Variants in TSPAN18 observed in about 807,000 individuals in gnomAD.
TSPAN18 encodes tetraspanin 18, also known as tetraspanin-18.
A neutral mutation model predicts 27.3 loss-of-function variants in TSPAN18; 14 were observed. The ratio of observed to expected loss-of-function variants is 0.51; its 90% CI spans 0.34 to 0.80. TSPAN18 has a LOEUF of 0.80. Among genes scored for constraint, TSPAN18 ranks in the 30% least tolerant of loss-of-function variants. The pLI is 0.01. For synonymous variants in TSPAN18, 143 were observed against 136.5 expected, an observed-to-expected ratio of 1.05 and a Z score of -0.33; for missense variants, 268 against 323.9, an observed-to-expected ratio of 0.83 and a Z score of 1.32.
chr11:44,908,786 A>AGAAAGAAGGAAGGAAGGAAGGAAG (rs1859576572), intron 4 of TSPAN18, among the ~76,000 whole-genome samples: 1 of 91,620 alleles, frequency 1.1e-5, no homozygotes, highest in African/African-American at 4.5e-5. Flanking sequence ...AAAGAAAGAA[A>AGAAAGAAGGAAGGAAGGAAGGAAG]GAAAGAAAGA....
intron 3 of TSPAN18, chr11:44,903,938 G>A (rs1420020052): frequency 4.4e-6 from 2 of 451,816 alleles, no homozygotes; most frequent in African/African-American, 2.0e-5. Flanking sequence ...GTTGTTATGA[G>A]TTAGTAAATG....
At chr11:44,862,106 C>G (rs575082670) in intron 3 of TSPAN18, among the ~76,000 whole-genome samples, 1 of 152,060 alleles carries the variant, frequency 6.6e-6, no homozygotes, top group Non-Finnish European at 1.5e-5. Context: ...GAAGACCAAC[C>G]GCAGCCTTGC....
At chr11:44,827,030 C>G (rs1456642259) in intron 2 of TSPAN18, among the ~76,000 whole-genome samples, 2 of 152,170 alleles carry the variant, frequency 1.3e-5, no homozygotes, top group African/African-American at 2.4e-5. Flanking sequence ...AAACCAAGAG[C>G]CTTTTAGCTC....
chr11:44,838,355 C>G (rs367737942), intron 2 of TSPAN18, among the ~76,000 whole-genome samples: 2 of 152,118 alleles, frequency 1.3e-5, no homozygotes, highest in Non-Finnish European at 2.9e-5. Flanking sequence ...ATAATGAGAA[C>G]AGCACGGGAA....
At chr11:44,801,586 A>AT (rs1193524598) in intron 2 of TSPAN18, among the ~76,000 whole-genome samples, 1 of 152,222 alleles carries the variant, frequency 6.6e-6, no homozygotes, top group Non-Finnish European at 1.5e-5. Context: ...AAATATCTTC[A>AT]TAAGTTAGCA....
chr11:44,906,355 T>C, intron 3 of TSPAN18, 52 bp from the exon 4 acceptor site: 1 of 1,572,910 alleles, frequency 6.4e-7, no homozygotes, highest in Non-Finnish European at 8.8e-7. Context: ...GCTGGGGTTC[T>C]TCCTGGGTGG....
At chr11:44,896,144 G>T (rs546937203) in intron 3 of TSPAN18, among the ~76,000 whole-genome samples, 4 of 152,152 alleles carry the variant, frequency 2.6e-5, no homozygotes, top group African/African-American at 4.8e-5. Context: ...AGGGAGGGAT[G>T]GGTAAATGGG....
At chr11:44,851,702 A>G (rs568537101) in intron 2 of TSPAN18, among the ~76,000 whole-genome samples, 2 of 149,778 alleles carry the variant, frequency 1.3e-5, no homozygotes, top group African/African-American at 4.9e-5. Context: ...GCTGCTTTCT[A>G]CACCTGCCGT....
intron 5 of TSPAN18, among the ~76,000 whole-genome samples, chr11:44,917,382 C>A (rs1178399366): frequency 6.6e-6 from 1 of 152,242 alleles, no homozygotes; most frequent in African/African-American, 2.4e-5. Context: ...GAGCAGAAGA[C>A]TGTGTTAGAT....
At chr11:44,897,258 A>G (rs1859092396) in intron 3 of TSPAN18, among the ~76,000 whole-genome samples, 1 of 152,054 alleles carries the variant, frequency 6.6e-6, no homozygotes, top group Admixed American at 6.5e-5. Flanking sequence ...CTTCTCACAA[A>G]TCCTTATGCA....
chr11:44,881,572 T>C (rs985222446), intron 3 of TSPAN18, among the ~76,000 whole-genome samples: 1 of 152,244 alleles, frequency 6.6e-6, no homozygotes, highest in African/African-American at 2.4e-5. Flanking sequence ...CAAAAGGTTG[T>C]TGGAAGGCTG....
At chr11:44,886,849 A>G (rs1858672357) in intron 3 of TSPAN18, among the ~76,000 whole-genome samples, 1 of 152,212 alleles carries the variant, frequency 6.6e-6, no homozygotes, top group Admixed American at 6.5e-5. Context: ...GGCCATATCA[A>G]TATGTGCACA....
chr11:44,857,050 A>T (rs1300842250), intron 2 of TSPAN18, among the ~76,000 whole-genome samples: 1 of 152,298 alleles, frequency 6.6e-6, no homozygotes, highest in East Asian at 1.9e-4. Flanking sequence ...GAAGAAAACG[A>T]GATACCCAGG....
chr11:44,777,477 G>T (rs1855839460), intron 2 of TSPAN18, among the ~76,000 whole-genome samples: 1 of 152,154 alleles, frequency 6.6e-6, no homozygotes, highest in Admixed American at 6.5e-5. Flanking sequence ...CACTTCCCAG[G>T]ACCCCTCCGG....
chr11:44,785,676 C>G (rs1856039924), intron 2 of TSPAN18, among the ~76,000 whole-genome samples: 1 of 152,008 alleles, frequency 6.6e-6, no homozygotes, highest in Non-Finnish European at 1.5e-5. Flanking sequence ...TGTCTGGGGC[C>G]TCCCCCTGCC....
intron 8 of TSPAN18, among the ~76,000 whole-genome samples, chr11:44,922,644 G>C (rs114939233): frequency 6.6e-6 from 1 of 152,198 alleles, no homozygotes; most frequent in Admixed American, 6.5e-5. Context: ...TAAGACCAGG[G>C]TGATGGCGGT....
intron 3 of TSPAN18, among the ~76,000 whole-genome samples, chr11:44,864,219 A>G (rs1857972819): frequency 6.9e-6 from 1 of 145,322 alleles, no homozygotes; most frequent in Non-Finnish European, 1.5e-5. Flanking sequence ...CCTGGAAGGC[A>G]GAGGTTGCAG....
chr11:44,803,670 T>C (rs1856531148), intron 2 of TSPAN18, among the ~76,000 whole-genome samples: 1 of 152,092 alleles, frequency 6.6e-6, no homozygotes, highest in Admixed American at 6.5e-5. Context: ...GACGAGGGGC[T>C]GATGCAGGAG....
intron 2 of TSPAN18, among the ~76,000 whole-genome samples, chr11:44,821,669 T>A (rs1385537807): frequency 2.0e-5 from 3 of 152,226 alleles, no homozygotes; most frequent in Non-Finnish European, 2.9e-5. Flanking sequence ...TGACCCTACT[T>A]GGACTGAAAG....
Sources: gnomAD v4.1 joint callset for allele counts (sites outside exome capture counted in the v4.1 genomes callset) on GRCh38, gnomAD v4.1.1 for gene constraint, MANE v1.5 for transcripts, NCBI Gene and HGNC (gene_info 2026-07-23, HGNC 2026-07-21) for gene names.